The following STAU2 variants were observed in gnomAD, a reference collection of about 807,000 sequenced individuals.
STAU2 encodes double-stranded RNA-binding protein Staufen homolog 2.
STAU2 carries 20 observed loss-of-function variants against 65.9 expected under a neutral mutation model. The observed-to-expected ratio is 0.30, with a 90% CI of 0.21 to 0.44. The LOEUF (loss-of-function observed/expected upper bound fraction) is 0.44. Among genes scored for constraint, STAU2 ranks in the 20% least tolerant of loss-of-function variants. The probability of loss-of-function intolerance (pLI) is 1.00; values close to 1 mark genes in which losing one functional copy is unlikely to be tolerated. For missense variants in STAU2, 558 were observed against 683.9 expected, an observed-to-expected ratio of 0.82 and a Z score of 2.05; for synonymous variants, 232 against 233.9, an observed-to-expected ratio of 0.99 and a Z score of 0.07.
chr8:73,599,805 A>G (rs113625667), intron 10 of STAU2, among the ~76,000 whole-genome samples: 4,313 of 151,364 alleles, frequency 0.028, 176 homozygotes, highest in African/African-American at 0.096. Context: ...TCGCTCTGTC[A>G]CCCAGGTTCT....
At chr8:73,672,574 T>A (rs1817759630) in intron 6 of STAU2, 1 of 152,116 alleles carries the variant, frequency 6.6e-6, no homozygotes. Flanking sequence ...AAACTGCATA[T>A]AAAGGACAAC....
intron 13 of STAU2, among the ~76,000 whole-genome samples, chr8:73,537,908 T>C (rs1313262170): frequency 1.3e-5 from 2 of 152,208 alleles, no homozygotes; most frequent in Non-Finnish European, 2.9e-5. Flanking sequence ...AAGAGTCACA[T>C]GAAGAGCACT....
chr8:73,440,913 GC>G (rs534699088), intron 13 of STAU2: 181 of 152,362 alleles, frequency 1.2e-3, no homozygotes, highest in African/African-American at 4.1e-3. Flanking sequence ...CATGCTCCCA[GC>G]CCCCGGATCT....
At chr8:73,678,490 G>T (rs1818171599) in intron 5 of STAU2, among the ~76,000 whole-genome samples, 1 of 152,064 alleles carries the variant, frequency 6.6e-6, no homozygotes, top group African/African-American at 2.4e-5. Flanking sequence ...GTCAAGGCCT[G>T]TATCTTACTT....
chr8:73,591,329 GA>G (rs1207636200), intron 11 of STAU2, among the ~76,000 whole-genome samples: 21 of 150,166 alleles, frequency 1.4e-4, no homozygotes, highest in African/African-American at 4.1e-4. Context: ...TAAGTGCGGG[GA>G]AAAAAAAAGG....
At chr8:73,649,468 A>C (rs915385161) in intron 6 of STAU2, among the ~76,000 whole-genome samples, 1 of 152,080 alleles carries the variant, frequency 6.6e-6, no homozygotes, top group Non-Finnish European at 1.5e-5. Flanking sequence ...CCTATTCCTC[A>C]TTATATTTGT....
At chr8:73,705,365 T>C (rs1054583345) in intron 4 of STAU2, among the ~76,000 whole-genome samples, 8 of 152,156 alleles carry the variant, frequency 5.3e-5, no homozygotes, top group African/African-American at 1.7e-4. Flanking sequence ...GTGGATGACA[T>C]TGCCTCCCTC....
At chr8:73,642,516 C>A (rs990012700) in intron 6 of STAU2, among the ~76,000 whole-genome samples, 1 of 142,206 alleles carries the variant, frequency 7.0e-6, no homozygotes, top group Non-Finnish European at 1.5e-5. Context: ...AGCAAGACTC[C>A]GTCCAAAAAT....
intron 3 of STAU2, among the ~76,000 whole-genome samples, chr8:73,720,281 C>G (rs1262200618): frequency 9.8e-6 from 1 of 102,398 alleles, no homozygotes; most frequent in Non-Finnish European, 1.9e-5. Flanking sequence ...AAAAAAAAAG[C>G]TATTCAGGTT....
chr8:73,549,854 C>T, intron 13 of STAU2: 6 of 985,544 alleles, frequency 6.1e-6, no homozygotes, highest in Non-Finnish European at 7.2e-6. Flanking sequence ...TAATCTGTAA[C>T]AAGCTGGTCC....
chr8:73,603,588 A>G (rs1326759827), intron 10 of STAU2, 138 bp downstream of exon 10: 1 of 1,141,420 alleles, frequency 8.8e-7, no homozygotes, highest in African/African-American at 1.6e-5. Flanking sequence ...TTGGTAGGTG[A>G]GCCTGGACAG....
intron 13 of STAU2, among the ~76,000 whole-genome samples, chr8:73,434,127 G>A (rs1476310150): frequency 6.6e-6 from 1 of 151,828 alleles, no homozygotes; most frequent in East Asian, 1.9e-4. Flanking sequence ...TGTGGTCAGA[G>A]AGAAAGATGT....
chr8:73,458,132 T>G (rs1012455007), intron 13 of STAU2, among the ~76,000 whole-genome samples: 2 of 152,230 alleles, frequency 1.3e-5, no homozygotes, highest in African/African-American at 4.8e-5. Flanking sequence ...CTTTTAAAAT[T>G]TCCTTCCCAG....
intron 6 of STAU2, among the ~76,000 whole-genome samples, chr8:73,667,277 A>G (rs557484755): frequency 4.4e-4 from 67 of 152,276 alleles, no homozygotes; most frequent in African/African-American, 1.5e-3. Context: ...TTCCTAAAAC[A>G]TATATCCAAT....
At chr8:73,731,008 A>C (rs375836609) in intron 3 of STAU2, among the ~76,000 whole-genome samples, 71 of 152,276 alleles carry the variant, frequency 4.7e-4, no homozygotes, top group African/African-American at 1.7e-3. Flanking sequence ...AATCATTTGG[A>C]GCCTTCTGAG....
intron 13 of STAU2, chr8:73,527,898 C>T (rs372664093): frequency 2.0e-5 from 1 of 50,502 alleles, no homozygotes; most frequent in Non-Finnish European, 3.3e-5. Context: ...TTTCACAGAA[C>T]ACACTTTAAA....
At chr8:73,516,872 G>C (rs1822757921) in intron 13 of STAU2, among the ~76,000 whole-genome samples, 1 of 151,992 alleles carries the variant, frequency 6.6e-6, no homozygotes, top group African/African-American at 2.4e-5. Flanking sequence ...GTCTATATAG[G>C]CAACAGTTTT....
chr8:73,659,121 A>T (rs1440479216), intron 6 of STAU2, among the ~76,000 whole-genome samples: 1 of 152,110 alleles, frequency 6.6e-6, no homozygotes, highest in Non-Finnish European at 1.5e-5. Flanking sequence ...TCCAAAACAA[A>T]GCAGAAAAAA....
At chr8:73,612,267 T>C (rs1812533273) in intron 9 of STAU2, among the ~76,000 whole-genome samples, 1 of 152,236 alleles carries the variant, frequency 6.6e-6, no homozygotes, top group South Asian at 2.1e-4. Flanking sequence ...CAATGAATAC[T>C]TAATAATTAC....
Sources: gnomAD v4.1 joint callset for allele counts (sites outside exome capture counted in the v4.1 genomes callset) on GRCh38, gnomAD v4.1.1 for gene constraint, MANE v1.5 for transcripts, NCBI Gene and HGNC (gene_info 2026-07-23, HGNC 2026-07-21) for gene names.